Variants in PFKFB1 observed in about 807,000 individuals in gnomAD.
PFKFB1 encodes the protein 6-phosphofructo-2-kinase/fructose-2,6-biphosphatase 1.
PFKFB1 carries 34 observed loss-of-function variants against 46.4 expected under a neutral mutation model. The observed-to-expected ratio is 0.73, with a 90% CI of 0.56 to 0.98. The LOEUF (loss-of-function observed/expected upper bound fraction) is 0.98, where lower values mean the gene tolerates loss of function less well. Among genes scored for constraint, PFKFB1 ranks in the 50% least tolerant of loss-of-function variants. The pLI, the probability that PFKFB1 is intolerant of heterozygous loss-of-function variation, is 0.00. For missense variants in PFKFB1, 393 were observed against 376.3 expected, an observed-to-expected ratio of 1.04 and a Z score of -0.37; for synonymous variants, 119 against 133.8, an observed-to-expected ratio of 0.89 and a Z score of 0.76.
At chrX:54,938,210 G>A (rs1354105520) in intron 10 of PFKFB1, among the ~76,000 whole-genome samples, 2 of 111,635 alleles carry the variant, frequency 1.8e-5, no homozygotes, top group Non-Finnish European at 3.8e-5. Context: ...CACAAGGTGG[G>A]GAGTTAAGAC....
At chrX:54,976,414 G>T (rs748758804) in intron 1 of PFKFB1, among the ~76,000 whole-genome samples, 16 of 111,444 alleles carry the variant, frequency 1.4e-4, no homozygotes, top group African/African-American at 4.9e-4. Context: ...AATTAAATGT[G>T]TAATGAGAAA....
At chrX:54,944,760 T>A (rs184689240) in intron 10 of PFKFB1, among the ~76,000 whole-genome samples, 3 of 112,354 alleles carry the variant, frequency 2.7e-5, no homozygotes, top group Non-Finnish European at 5.6e-5. Flanking sequence ...CAAATTAAGA[T>A]GAATTTTATA....
intron 1 of PFKFB1, among the ~76,000 whole-genome samples, chrX:54,988,383 T>C (rs1935157354): frequency 1.8e-5 from 2 of 111,686 alleles, no homozygotes; most frequent in African/African-American, 6.5e-5. Flanking sequence ...AAACTTATTA[T>C]TGTTAAGATG....
intron 10 of PFKFB1, among the ~76,000 whole-genome samples, chrX:54,944,917 C>A: frequency 8.9e-6 from 1 of 112,069 alleles, no homozygotes; most frequent in Non-Finnish European, 1.9e-5. Flanking sequence ...CTAATAAATG[C>A]TCTAAAATGT....
intron 10 of PFKFB1, among the ~76,000 whole-genome samples, chrX:54,941,430 G>C (rs867612703): frequency 8.9e-6 from 1 of 111,885 alleles, no homozygotes; most frequent in African/African-American, 3.3e-5. Context: ...CACAGCAAAA[G>C]AAACTACCAT....
At chrX:54,990,050 T>C (rs1448521987) in intron 1 of PFKFB1, among the ~76,000 whole-genome samples, 1 of 111,478 alleles carries the variant, frequency 9.0e-6, no homozygotes, top group Non-Finnish European at 1.9e-5. Flanking sequence ...AATTATCTCA[T>C]TGGACACTTA....
At chrX:54,951,235 G>A (rs892997519) in intron 8 of PFKFB1, among the ~76,000 whole-genome samples, 2 of 112,423 alleles carry the variant, frequency 1.8e-5, no homozygotes, top group African/African-American at 3.2e-5. Flanking sequence ...TCACTGTGCC[G>A]GGCTGGGGAG....
At chrX:54,985,001 CAG>C (rs767946835) in intron 1 of PFKFB1, among the ~76,000 whole-genome samples, 27 of 110,812 alleles carry the variant, frequency 2.4e-4, no homozygotes, top group Non-Finnish European at 5.1e-4. Flanking sequence ...GAACAGTGCT[CAG>C]ACAGTATACC....
chrX:54,990,096 T>G (rs1935203677), intron 1 of PFKFB1, among the ~76,000 whole-genome samples: 1 of 110,952 alleles, frequency 9.0e-6, no homozygotes, highest in Non-Finnish European at 1.9e-5. Flanking sequence ...ATGAATGAGC[T>G]GAGCAGCAGG....
At chrX:54,994,806 ACT>A, upstream of PFKFB1, 1 of 751,768 alleles carries the variant, frequency 1.3e-6, no homozygotes, top group Non-Finnish European at 1.6e-6. Context: ...TCATCTTTCT[ACT>A]CTCTCCAGCC....
chrX:54,960,183 C>A (rs758227732), intron 3 of PFKFB1, among the ~76,000 whole-genome samples: 1 of 112,577 alleles, frequency 8.9e-6, no homozygotes, highest in Non-Finnish European at 1.9e-5. Context: ...AGGGCTCCAA[C>A]CCTTGAGCTA....
chrX:54,943,282 T>C (rs1287030661), intron 10 of PFKFB1, among the ~76,000 whole-genome samples: 1 of 111,819 alleles, frequency 8.9e-6, no homozygotes, highest in African/African-American at 3.3e-5. Context: ...GCAGATTTCC[T>C]AGCCACAGTA....
At chrX:54,988,968 G>A (rs1935173803) in intron 1 of PFKFB1, among the ~76,000 whole-genome samples, 1 of 111,934 alleles carries the variant, frequency 8.9e-6, no homozygotes, top group South Asian at 3.7e-4. Flanking sequence ...CCAAAGAAAC[G>A]AGCCAGATAC....
At chrX:54,940,364 T>G (rs1933575822) in intron 10 of PFKFB1, among the ~76,000 whole-genome samples, 1 of 111,545 alleles carries the variant, frequency 9.0e-6, no homozygotes, top group African/African-American at 3.3e-5. Flanking sequence ...CCACTCCTAT[T>G]CAACATAGTG....
chrX:54,956,071 G>A, intron 7 of PFKFB1, 82 bp downstream of exon 7: 3 of 597,948 alleles, frequency 5.0e-6, no homozygotes, highest in Non-Finnish European at 8.0e-6. Flanking sequence ...GCCCAGCAAG[G>A]GAGGATATTT....
intron 1 of PFKFB1, among the ~76,000 whole-genome samples, chrX:54,984,282 G>A (rs1295694896): frequency 9.0e-6 from 1 of 111,611 alleles, no homozygotes; most frequent in Non-Finnish European, 1.9e-5. Flanking sequence ...TGTCATGATT[G>A]TCTACATAGA....
chrX:54,954,496 G>A (rs990436485), intron 7 of PFKFB1, among the ~76,000 whole-genome samples: 9 of 112,341 alleles, frequency 8.0e-5, no homozygotes, highest in African/African-American at 2.9e-4. Flanking sequence ...CTGGGTGACA[G>A]AGCGGGACTC....
chrX:54,956,177 T>C lies in PFKFB1; in HGVS notation c.614A>G (p.Gln205Arg), dbSNP rs1369378953. The C allele has an allele frequency of 3.3e-6, 4 of 1,207,616 alleles. No individual in the cohort carries two copies. The highest frequency in any genetic ancestry group is 4.5e-6 in the Non-Finnish European group (4 of 891,675). ...CCTGTCCAGTTCCTCATCCAAGGGT[T>C]GGTAGTTGACCTCATAGCACTCAAT... ...KRIECYEVNYQPLDEELDSHL... is the reference protein window; with the variant it reads ...KRIECYEVNYRPLDEELDSHL... Residue 205 changes from glutamine to arginine, a missense_variant, in exon 7 of 14, where the codon CAA becomes CGA. Coordinates refer to ENST00000375006, the MANE Select transcript of PFKFB1 (RefSeq NM_002625.4).
At chrX:54,966,616 C>T (rs181449646) in intron 1 of PFKFB1, among the ~76,000 whole-genome samples, 111 of 111,561 alleles carry the variant, frequency 9.9e-4, no homozygotes, top group Admixed American at 8.1e-3. Flanking sequence ...ATGGGAGCCT[C>T]CAGGAATCAA....
Sources: allele counts gnomAD v4.1 joint callset (sites outside exome capture counted in the v4.1 genomes callset), GRCh38; gene constraint gnomAD v4.1.1; transcripts MANE v1.5; gene names NCBI Gene and HGNC (gene_info 2026-07-23, HGNC 2026-07-21).